The following PPFIA2 variants were observed in gnomAD, a reference collection of about 807,000 sequenced individuals.
PPFIA2 encodes liprin-alpha-2.
In PPFIA2, 46 loss-of-function variants were observed where a neutral mutation model predicts 175.5. That is an observed-to-expected ratio of 0.26 (90% confidence interval 0.21 to 0.34). The LOEUF (loss-of-function observed/expected upper bound fraction) is 0.34. PPFIA2 is among the 10% of genes least tolerant of loss of function. The pLI is 1.00. For synonymous variants in PPFIA2, 568 were observed against 511.4 expected, an observed-to-expected ratio of 1.11 and a Z score of -1.49; for missense variants, 1,179 against 1,506.1, an observed-to-expected ratio of 0.78 and a Z score of 3.60.
At chr12:81,318,034 C>A (rs1298941012) in intron 22 of PPFIA2, among the ~76,000 whole-genome samples, 3 of 151,700 alleles carry the variant, frequency 2.0e-5, no homozygotes, top group Admixed American at 2.0e-4. Flanking sequence ...CTCCTACAGT[C>A]AGCTCAATTT....
chr12:81,484,056 T>C (rs981117566), intron 4 of PPFIA2, among the ~76,000 whole-genome samples: 1 of 152,064 alleles, frequency 6.6e-6, no homozygotes, highest in African/African-American at 2.4e-5. Context: ...TAAAGGACAC[T>C]GACAAAAAAA....
chr12:81,339,687 T>C lies in PPFIA2; in HGVS notation c.2394-353A>G, dbSNP rs185025155. Among the ~76,000 whole-genome samples the C allele has an allele frequency of 2.5e-3, 374 of 152,230 alleles. 1 individual carries two copies. The highest frequency in any genetic ancestry group is 8.3e-3 in the African/African-American group (345 of 41,564). ...CATTGTCTATTTATTTCTCAGAGTC[T>C]GTTTTTCTAATCTTAAACATAATGA... On this transcript the variant is annotated intron_variant, in intron 20 of 32. Coordinates refer to ENST00000549396, the MANE Select transcript of PPFIA2 (RefSeq NM_003625.5).
intron 14 of PPFIA2, among the ~76,000 whole-genome samples, chr12:81,364,915 G>A (rs1326815430): frequency 6.6e-6 from 1 of 151,802 alleles, no homozygotes; most frequent in East Asian, 1.9e-4. Context: ...CTGCTGGTGT[G>A]TTAGGTTAGA....
chr12:81,533,162 T>C (rs887711399), intron 4 of PPFIA2, among the ~76,000 whole-genome samples: 1 of 151,662 alleles, frequency 6.6e-6, no homozygotes, highest in African/African-American at 2.4e-5. Flanking sequence ...TGTTTAACCA[T>C]GATGGAAAGG....
intron 4 of PPFIA2, among the ~76,000 whole-genome samples, chr12:81,624,528 C>T (rs1230655912): frequency 6.9e-6 from 1 of 145,222 alleles, no homozygotes; most frequent in Non-Finnish European, 1.5e-5. Flanking sequence ...ATACATATTA[C>T]ATATGTATAA....
intron 2 of PPFIA2, among the ~76,000 whole-genome samples, chr12:81,758,125 C>G (rs1036548880): frequency 3.9e-5 from 6 of 152,142 alleles, no homozygotes; most frequent in Admixed American, 2.0e-4. Context: ...CACTACTGGA[C>G]AGTTATCTCT....
chr12:81,522,759 C>A (rs941302317), intron 4 of PPFIA2, among the ~76,000 whole-genome samples: 1 of 152,124 alleles, frequency 6.6e-6, no homozygotes, highest in Non-Finnish European at 1.5e-5. Flanking sequence ...CTTCACAGAA[C>A]GGTTTTTCTC....
chr12:81,701,697 A>G (rs1050862833), intron 3 of PPFIA2, among the ~76,000 whole-genome samples: 5 of 152,054 alleles, frequency 3.3e-5, no homozygotes, highest in African/African-American at 1.2e-4. Flanking sequence ...ATAGTGCTCA[A>G]TAAATAAATA....
intron 4 of PPFIA2, among the ~76,000 whole-genome samples, chr12:81,620,673 G>C (rs1368219860): frequency 6.6e-6 from 1 of 152,188 alleles, no homozygotes; most frequent in Non-Finnish European, 1.5e-5. Flanking sequence ...GGGAAGAAAT[G>C]CAATGGGATG....
intron 17 of PPFIA2, among the ~76,000 whole-genome samples, chr12:81,348,446 A>C (rs1459749561): frequency 2.6e-5 from 4 of 152,126 alleles, no homozygotes; most frequent in Non-Finnish European, 4.4e-5. Context: ...GTAACTTGCA[A>C]ATAAAACTAG....
intron 24 of PPFIA2, 143 bp from the exon 25 acceptor site, chr12:81,284,446 C>T (rs2042804711): frequency 1.6e-6 from 1 of 615,476 alleles, no homozygotes; most frequent in Non-Finnish European, 2.9e-6. Flanking sequence ...AAAGAGACAG[C>T]ATGGCTGGTT....
At chr12:81,380,285 G>A (rs1046389932) in intron 9 of PPFIA2, among the ~76,000 whole-genome samples, 1 of 152,122 alleles carries the variant, frequency 6.6e-6, no homozygotes, top group Non-Finnish European at 1.5e-5. Context: ...AGGATTGCTT[G>A]AGCCTAGGAG....
rs114989785 is a variant in PPFIA2, at chr12:81,356,356, T to A, written c.1773+1726A>T. ...ACCATAACAGATATAATAATAATAA[T>A]AAAAGTTTGAAATATTTCGAGAACT... On this transcript the variant is annotated intron_variant, in intron 16 of 32. Transcript: ENST00000549396. Among the ~76,000 whole-genome samples, 1,409 of 152,068 alleles carry A rather than the reference T, an allele frequency of 9.3e-3. 18 individuals carry two copies. Among genetic ancestry groups the A allele is most frequent in the African/African-American group, 0.033 (1,356 of 41,486 alleles).
At chr12:81,479,091 C>T (rs1436125280) in intron 4 of PPFIA2, among the ~76,000 whole-genome samples, 1 of 152,172 alleles carries the variant, frequency 6.6e-6, no homozygotes, top group Non-Finnish European at 1.5e-5. Context: ...CTGTATAAAT[C>T]TGGGTGCTCC....
At chr12:81,492,730 T>G (rs1232660313) in intron 4 of PPFIA2, among the ~76,000 whole-genome samples, 1 of 152,086 alleles carries the variant, frequency 6.6e-6, no homozygotes, top group Non-Finnish European at 1.5e-5. Flanking sequence ...TTATGAGAAC[T>G]TGGCTTTTGG....
intron 6 of PPFIA2, among the ~76,000 whole-genome samples, chr12:81,443,957 C>T (rs1354994775): frequency 1.3e-5 from 2 of 148,618 alleles, no homozygotes; most frequent in Non-Finnish European, 1.5e-5. Flanking sequence ...CGGGTTCACG[C>T]CATTCTCCTG....
At position 81,483,677 on chromosome 12, in the gene PPFIA2, A is replaced by AT. The variant is rs139357726; in HGVS notation, c.304-25812dup. 7.2e-3 allele frequency among the ~76,000 whole-genome samples: 1,096 copies of AT among 151,230 alleles called. 11 individuals are homozygous for AT. The highest frequency in any genetic ancestry group is 0.024 in the African/African-American group (995 of 41,292). ...CACTTTAAAAGGTGAATTTTATGCT[A>AT]TTTTTTTTTCTTAATACAGTTGTTA... On this transcript the variant is annotated intron_variant, in intron 4 of 32. Transcript: ENST00000549396.
At chr12:81,288,999 C>G (rs1043378074) in intron 24 of PPFIA2, among the ~76,000 whole-genome samples, 1 of 151,772 alleles carries the variant, frequency 6.6e-6, no homozygotes, top group Non-Finnish European at 1.5e-5. Flanking sequence ...GAAGCAGAAG[C>G]AGGAGAATGT....
At chr12:81,744,224 T>C (rs1299551625) in intron 3 of PPFIA2, among the ~76,000 whole-genome samples, 1 of 152,118 alleles carries the variant, frequency 6.6e-6, no homozygotes, top group African/African-American at 2.4e-5. Flanking sequence ...ATAAAATGGA[T>C]CTTATAGTCT....
Sources: allele counts gnomAD v4.1 joint callset (sites outside exome capture counted in the v4.1 genomes callset), GRCh38; gene constraint gnomAD v4.1.1; transcripts MANE v1.5; gene names NCBI Gene and HGNC (gene_info 2026-07-23, HGNC 2026-07-21).